The following CDKAL1 variants were observed in gnomAD, a reference collection of about 807,000 sequenced individuals.
CDKAL1 encodes the protein CDKAL1 threonylcarbamoyladenosine tRNA methylthiotransferase.
CDKAL1 carries 32 observed loss-of-function variants against 68.2 expected under a neutral mutation model. The observed-to-expected ratio is 0.47, with a 90% CI of 0.35 to 0.63. CDKAL1 has a LOEUF of 0.63. CDKAL1 is among the 30% of genes least tolerant of loss of function. CDKAL1 has a pLI of 0.00. For synonymous variants in CDKAL1, 234 were observed against 244.3 expected (o/e 0.96, Z 0.39); for missense variants, 606 against 696.7 (o/e 0.87, Z 1.47).
At chr6:21,140,321 A>G (rs1775832873) in intron 13 of CDKAL1, among the ~76,000 whole-genome samples, 1 of 152,190 alleles carries the variant, frequency 6.6e-6, no homozygotes. Context: ...CTGGAATTGT[A>G]TTTACGGCAA....
chr6:20,890,441 G>A (rs1278785486), intron 9 of CDKAL1, among the ~76,000 whole-genome samples: 3 of 152,230 alleles, frequency 2.0e-5, no homozygotes, highest in African/African-American at 7.2e-5. Context: ...AGCAATAGAT[G>A]TGGAAAAATC....
At chr6:20,870,046 C>G (rs1760122531) in intron 9 of CDKAL1, among the ~76,000 whole-genome samples, 1 of 152,142 alleles carries the variant, frequency 6.6e-6, no homozygotes. Flanking sequence ...TTAAAATGTT[C>G]CACTTAGAGA....
At chr6:20,912,933 G>T (rs139875865) in intron 9 of CDKAL1, among the ~76,000 whole-genome samples, 1,908 of 151,022 alleles carry the variant, frequency 0.013, 17 homozygotes, top group Non-Finnish European at 0.019. Flanking sequence ...ATATCTAAAA[G>T]AAATATATCA....
chr6:20,762,956 G>A (rs1774534804), intron 7 of CDKAL1, among the ~76,000 whole-genome samples: 1 of 152,058 alleles, frequency 6.6e-6, no homozygotes, highest in Non-Finnish European at 1.5e-5. Flanking sequence ...TATACCCTTT[G>A]CTCCAGCCAA....
chr6:21,057,040 A>G (rs908101001), intron 11 of CDKAL1, among the ~76,000 whole-genome samples: 3 of 152,224 alleles, frequency 2.0e-5, no homozygotes, highest in African/African-American at 7.2e-5. Context: ...GCCTCATAAA[A>G]TGAGTTAGGG....
chr6:21,172,158 G>A (rs1036514257), intron 13 of CDKAL1, among the ~76,000 whole-genome samples: 16 of 152,094 alleles, frequency 1.1e-4, no homozygotes, highest in Admixed American at 1.0e-3. Flanking sequence ...TTATATGGGG[G>A]TTATTTCCTT....
intron 5 of CDKAL1, among the ~76,000 whole-genome samples, chr6:20,697,427 G>T (rs1032529431): frequency 3.9e-5 from 6 of 152,016 alleles, no homozygotes; most frequent in Middle Eastern, 6.4e-3. Context: ...TGATAATTTA[G>T]ATCAAAAGAG....
intron 5 of CDKAL1, among the ~76,000 whole-genome samples, chr6:20,653,789 T>C (rs1214734267): frequency 6.6e-6 from 1 of 152,104 alleles, no homozygotes; most frequent in Non-Finnish European, 1.5e-5. Flanking sequence ...TAATTTTTGT[T>C]TTTAGTAGAG....
intron 4 of CDKAL1, among the ~76,000 whole-genome samples, chr6:20,587,081 G>C (rs908796955): frequency 4.2e-5 from 6 of 142,968 alleles, no homozygotes; most frequent in Non-Finnish European, 7.5e-5. Flanking sequence ...CTACCTCCCG[G>C]GTTCAAGTGA....
At chr6:20,707,465 C>T (rs375059203) in intron 5 of CDKAL1, among the ~76,000 whole-genome samples, 163 of 152,278 alleles carry the variant, frequency 1.1e-3, no homozygotes, top group African/African-American at 3.7e-3. Flanking sequence ...CTATTCTTAT[C>T]TACAACATAA....
chr6:21,000,320 A>G lies in CDKAL1; in HGVS notation c.1003A>G (p.Arg335Gly), dbSNP rs775592397. The G allele has an allele frequency of 6.2e-7, 1 of 1,613,946 alleles. No homozygotes were observed. Among genetic ancestry groups the G allele is most frequent in the Non-Finnish European group, 8.5e-7 (1 of 1,179,822 alleles). ...ASDSVLMEMK[R>G]EYCVADFKRV... is the part of the protein sequence containing the mutation. ...CGACAGCGTACTCATGGAAATGAAAAGAGAATACTGTGTGGCTGACTTCAA... is the reference window on the plus strand; with the variant it reads ...CGACAGCGTACTCATGGAAATGAAAGGAGAATACTGTGTGGCTGACTTCAA... Residue 335 changes from arginine to glycine, a missense_variant, in exon 11 of 16, where the codon AGA becomes GGA. Transcript: ENST00000274695.
chr6:21,202,766 A>G (rs758534428), intron 15 of CDKAL1, among the ~76,000 whole-genome samples: 1 of 152,166 alleles, frequency 6.6e-6, no homozygotes, highest in Non-Finnish European at 1.5e-5. Context: ...TTCGTTCCTT[A>G]ACTATAGTGT....
chr6:20,652,535 T>C (rs1013958667), intron 5 of CDKAL1, among the ~76,000 whole-genome samples: 2 of 152,208 alleles, frequency 1.3e-5, no homozygotes, highest in African/African-American at 2.4e-5. Context: ...CCTCATTCCA[T>C]ATTTCCAACC....
At chr6:20,728,377 G>C (rs1187623088) in intron 5 of CDKAL1, among the ~76,000 whole-genome samples, 1 of 152,106 alleles carries the variant, frequency 6.6e-6, no homozygotes, top group African/African-American at 2.4e-5. Context: ...AATTTTTATG[G>C]ATTCATTACA....
At chr6:20,586,717 A>T (rs554022374) in intron 4 of CDKAL1, among the ~76,000 whole-genome samples, 64 of 152,338 alleles carry the variant, frequency 4.2e-4, no homozygotes, top group African/African-American at 1.5e-3. Context: ...AGTACTTCAG[A>T]TCCGGCTAGT....
chr6:20,593,621 A>C (rs2127703387), intron 4 of CDKAL1, among the ~76,000 whole-genome samples: 1 of 150,836 alleles, frequency 6.6e-6, no homozygotes, highest in South Asian at 2.1e-4. Context: ...AAAAAAAAGA[A>C]ACCCAGCTCC....
intron 11 of CDKAL1, among the ~76,000 whole-genome samples, chr6:21,035,936 C>T (rs558066491): frequency 6.6e-6 from 1 of 152,212 alleles, no homozygotes; most frequent in Non-Finnish European, 1.5e-5. Context: ...CAATCACTTG[C>T]AATTGACGGT....
At chr6:20,556,081 T>C (rs1407687904) in intron 4 of CDKAL1, among the ~76,000 whole-genome samples, 1 of 152,102 alleles carries the variant, frequency 6.6e-6, no homozygotes, top group Non-Finnish European at 1.5e-5. Flanking sequence ...AAGCTGTTTC[T>C]TGGCCGGGTG....
intron 4 of CDKAL1, among the ~76,000 whole-genome samples, chr6:20,565,830 A>G (rs1049006965): frequency 1.3e-5 from 2 of 152,158 alleles, no homozygotes; most frequent in African/African-American, 2.4e-5. Context: ...AGATGAAAAA[A>G]CAGGGCTTCA....
Sources: gnomAD v4.1 joint callset for allele counts (sites outside exome capture counted in the v4.1 genomes callset) on GRCh38, gnomAD v4.1.1 for gene constraint, MANE v1.5 for transcripts, NCBI Gene and HGNC (gene_info 2026-07-23, HGNC 2026-07-21) for gene names.